KCNJ15: variants seen among roughly 807,000 people sequenced by gnomAD.
KCNJ15 encodes ATP-sensitive inward rectifier potassium channel 15.
Under a neutral mutation model 23.0 loss-of-function variants are expected in KCNJ15, and 14 were observed. The observed-to-expected ratio is 0.61, with a 90% CI of 0.40 to 0.95. The LOEUF (loss-of-function observed/expected upper bound fraction) is 0.95. Ranked by LOEUF, KCNJ15 falls within the 40% of genes least tolerant of loss-of-function variation. The probability of loss-of-function intolerance (pLI) is 0.00; values close to 1 mark genes in which losing one functional copy is unlikely to be tolerated. For synonymous variants in KCNJ15, 185 were observed against 183.2 expected, an observed-to-expected ratio of 1.01 and a Z score of -0.08; for missense variants, 388 against 461.8, an observed-to-expected ratio of 0.84 and a Z score of 1.46.
At chr21:38,247,581 C>T (rs1321301553) in intron 1 of KCNJ15, among the ~76,000 whole-genome samples, 1 of 151,738 alleles carries the variant, frequency 6.6e-6, no homozygotes, top group East Asian at 1.9e-4. Context: ...AAGATGCATG[C>T]ATGCATAGGT....
At chr21:38,294,784 C>T (rs1297286227) in intron 1 of KCNJ15, among the ~76,000 whole-genome samples, 1 of 152,158 alleles carries the variant, frequency 6.6e-6, no homozygotes, top group Non-Finnish European at 1.5e-5. Flanking sequence ...TATTTTCTTT[C>T]CTTTAACTTC....
rs1985797403 is a variant in KCNJ15 at position 38,301,778 on chromosome 21, TC to T, written c.*1391del. ...AATTCAGGGGTCTAGTGCCCTGCAT[TC>T]CTTTGAGGCAAAAAATAAATGGGCT... On this transcript the variant is annotated 3_prime_UTR_variant, in exon 3 of 3. Transcript: ENST00000398938. 6.0e-6 allele frequency: 1 copy of T among 167,068 alleles called. No homozygotes were observed. Among genetic ancestry groups the T allele is most frequent in the Admixed American group, 6.5e-5 (1 of 15,284 alleles). The allele number at this position is 167,068 out of a possible 1,614,324, so 10.3% of individuals were successfully genotyped here.
At chr21:38,268,903 G>A (rs1981786183) in intron 1 of KCNJ15, 1 of 152,286 alleles carries the variant, frequency 6.6e-6, no homozygotes, top group Admixed American at 6.5e-5. Flanking sequence ...GGACCAGGCT[G>A]AGCTCAAGGC....
At position 38,290,357 on chromosome 21, in the gene KCNJ15, AT is replaced by A. The variant is rs11423740; in HGVS notation, c.-116-6561del. Among the ~76,000 whole-genome samples the A allele has an allele frequency of 2.6e-5, 4 of 151,862 alleles. No individual in the cohort carries two copies. In the South Asian group the frequency reaches 8.3e-4, roughly 31 times the overall value. On this transcript the variant is annotated intron_variant, in intron 1 of 2. Transcript: ENST00000398938. ...AAACCACATTTAGAGATGGAAAAGAATTTTTTTTAGTACTTATGGAATTTCA... is the reference window on the plus strand; with the variant it reads ...AAACCACATTTAGAGATGGAAAAGAATTTTTTTAGTACTTATGGAATTTCA...
At chr21:38,234,438 GC>G (rs1978467233) in intron 1 of KCNJ15, among the ~76,000 whole-genome samples, 1 of 152,154 alleles carries the variant, frequency 6.6e-6, no homozygotes, top group South Asian at 2.1e-4. Flanking sequence ...TGGGTTCCTG[GC>G]CGACTAAAGA....
intron 1 of KCNJ15, among the ~76,000 whole-genome samples, chr21:38,265,018 G>A (rs1357715818): frequency 6.6e-5 from 10 of 152,148 alleles, no homozygotes; most frequent in African/African-American, 2.4e-4. Context: ...ATAAAAGAAA[G>A]AATATACTGC....
rs8130315 is a variant in KCNJ15, at chr21:38,305,217, A to G, written c.*4828A>G. On this transcript the variant is annotated 3_prime_UTR_variant, in exon 3 of 3. Coordinates refer to ENST00000398938, the MANE Select transcript of KCNJ15 (RefSeq NM_170736.3). ...ACCCAATTTCTTTTCAACATCATAC[A>G]TGCTTGGTTGACTGTTTCTTCATAT... 10 of 152,108 alleles carry G rather than the reference A, an allele frequency of 6.6e-5. No individual in the cohort carries two copies. The highest frequency in any genetic ancestry group is 2.4e-4 in the African/African-American group (10 of 41,454). The allele number at this position is 152,108 out of a possible 1,614,324, so 9.4% of individuals were successfully genotyped here.
chr21:38,241,270 A>C (rs953001566), intron 1 of KCNJ15, among the ~76,000 whole-genome samples: 4 of 151,500 alleles, frequency 2.6e-5, no homozygotes, highest in Non-Finnish European at 5.9e-5. Flanking sequence ...TCTTCCTGAT[A>C]ATTTTCAGGT....
At chr21:38,247,183 CAGAT>C (rs1001684756) in intron 1 of KCNJ15, among the ~76,000 whole-genome samples, 6 of 84,700 alleles carry the variant, frequency 7.1e-5, no homozygotes, top group Admixed American at 1.2e-4. Flanking sequence ...GATGGATGGA[CAGAT>C]GGATGGATGG....
intron 1 of KCNJ15, among the ~76,000 whole-genome samples, chr21:38,241,753 G>T (rs762350356): frequency 5.9e-5 from 9 of 152,086 alleles, no homozygotes; most frequent in Non-Finnish European, 1.2e-4. Flanking sequence ...GATTGCTTGA[G>T]CTCAGGAGTT....
intron 1 of KCNJ15, among the ~76,000 whole-genome samples, chr21:38,287,319 G>GT (rs1049079168): frequency 6.6e-6 from 1 of 151,956 alleles, no homozygotes; most frequent in South Asian, 2.1e-4. Flanking sequence ...AATCTGGATT[G>GT]TTTTTTTTCT....
At chr21:38,258,590 C>T (rs1013697063) in intron 1 of KCNJ15, among the ~76,000 whole-genome samples, 3 of 152,228 alleles carry the variant, frequency 2.0e-5, no homozygotes, top group African/African-American at 7.2e-5. Flanking sequence ...AGCAGCATGT[C>T]AGAAACGCTC....
rs566263819 is a variant in KCNJ15, at chr21:38,277,151, G to A, written c.-116-19775G>A. Among the ~76,000 whole-genome samples, 161 of 152,116 alleles carry A rather than the reference G, an allele frequency of 1.1e-3. 1 individual carries two copies. Among genetic ancestry groups the A allele is most frequent in the Non-Finnish European group, 2.0e-3 (134 of 67,984 alleles). The stretch of plus-strand genomic sequence containing the variant: ...TTTTCATGACTAAGAAGTTGACAAT[G>A]GTCTTTCCAAATTAAGACTCGGCAT... On this transcript the variant is annotated intron_variant, in intron 1 of 2. Transcript: ENST00000398938.
intron 1 of KCNJ15, among the ~76,000 whole-genome samples, chr21:38,284,394 G>T (rs546624866): frequency 6.6e-6 from 1 of 152,238 alleles, no homozygotes; most frequent in East Asian, 1.9e-4. Context: ...TCTCTGCCTT[G>T]TCTTCTTAAC....
intron 1 of KCNJ15, among the ~76,000 whole-genome samples, chr21:38,242,287 C>T (rs1979062920): frequency 6.6e-6 from 1 of 152,164 alleles, no homozygotes; most frequent in South Asian, 2.1e-4. Context: ...CCCAAATCAA[C>T]TTGAAGTTGA....
Position 38,300,770 on chromosome 21 carries a change from A to G in KCNJ15, c.*381A>G, listed in dbSNP as rs1285412047. The stretch of plus-strand genomic sequence containing the variant: ...TGTAATACAAGATATTTATTTAACC[A>G]ATGACCTTATGGCTGAGAGTTGAAT... On this transcript the variant is annotated 3_prime_UTR_variant, in exon 3 of 3. Transcript: ENST00000398938. 5.3e-6 allele frequency: 1 copy of G among 187,858 alleles called. No individual in the cohort carries two copies. The highest frequency in any genetic ancestry group is 2.4e-5 in the African/African-American group (1 of 41,862). 11.6% of individuals were successfully genotyped at this position (187,858 alleles called of 1,614,324 possible).
upstream of KCNJ15, among the ~76,000 whole-genome samples, chr21:38,255,401 C>T (rs1045791413): frequency 2.0e-5 from 3 of 152,314 alleles, no homozygotes; most frequent in Non-Finnish European, 4.4e-5. Context: ...AGCATATCCT[C>T]GCGGGAGGTC....
intron 1 of KCNJ15, chr21:38,238,070 T>G: frequency 6.5e-6 from 2 of 306,936 alleles, no homozygotes; most frequent in Admixed American, 4.2e-5. Flanking sequence ...TATTCTAGGG[T>G]GAGTGGGTGC....
At position 38,300,248 on chromosome 21, in the gene KCNJ15, G is replaced by A; in HGVS notation, c.987G>A (p.Gln329=). Residue 329 remains glutamine, a synonymous_variant, in exon 3 of 3, where the codon CAG becomes CAA. Coordinates refer to ENST00000398938, the MANE Select transcript of KCNJ15 (RefSeq NM_170736.3). ...KNGKYVADFS[Q]FEQIRKSPDC... is the part of the protein sequence containing the mutation. The stretch of plus-strand genomic sequence containing the variant: ...GAAAATATGTGGCTGATTTCAGTCA[G>A]TTTGAACAGATTCGGAAAAGCCCAG... The A allele has an allele frequency of 2.5e-6, 4 of 1,614,188 alleles. No individual in the cohort carries two copies. The highest frequency in any genetic ancestry group is 3.4e-6 in the Non-Finnish European group (4 of 1,180,030).
Sources: gnomAD v4.1 joint callset for allele counts (sites outside exome capture counted in the v4.1 genomes callset) on GRCh38, gnomAD v4.1.1 for gene constraint, MANE v1.5 for transcripts, NCBI Gene and HGNC (gene_info 2026-07-23, HGNC 2026-07-21) for gene names.